TECRL: variants seen among roughly 807,000 people sequenced by gnomAD.
TECRL encodes trans-2,3-enoyl-CoA reductase-like.
In TECRL, 63 loss-of-function variants were observed where a neutral mutation model predicts 52.8. That is an observed-to-expected ratio of 1.19 (90% CI 0.97 to 1.47). TECRL has a LOEUF of 1.47. Among genes scored for constraint, TECRL ranks in the 40% most tolerant of loss-of-function variants. The probability of loss-of-function intolerance (pLI) is 0.00; values close to 1 mark genes in which losing one functional copy is unlikely to be tolerated. For synonymous variants in TECRL, 164 were observed against 141.9 expected, an observed-to-expected ratio of 1.16 and a Z score of -1.10; for missense variants, 482 against 429.6, an observed-to-expected ratio of 1.12 and a Z score of -1.08.
chr4:64,402,975 A>G (rs1279127620), intron 1 of TECRL, among the ~76,000 whole-genome samples: 1 of 152,072 alleles, frequency 6.6e-6, no homozygotes, highest in Non-Finnish European at 1.5e-5. Flanking sequence ...AGGGATACTT[A>G]TTGCATTTCT....
intron 4 of TECRL, among the ~76,000 whole-genome samples, chr4:64,320,187 T>A (rs1052553801): frequency 4.6e-5 from 7 of 151,876 alleles, no homozygotes; most frequent in Non-Finnish European, 8.9e-5. Flanking sequence ...TTATCCTAAG[T>A]TTTTTAGTAA....
At chr4:64,398,774 C>G (rs1724144792) in intron 1 of TECRL, among the ~76,000 whole-genome samples, 1 of 152,020 alleles carries the variant, frequency 6.6e-6, no homozygotes, top group African/African-American at 2.4e-5. Context: ...TTCGAGAGTT[C>G]AGAAGAAGAA....
chr4:64,338,365 G>A (rs974795888), intron 2 of TECRL, among the ~76,000 whole-genome samples: 11 of 152,158 alleles, frequency 7.2e-5, no homozygotes, highest in African/African-American at 2.7e-4. Flanking sequence ...TCAGGACATA[G>A]GCATGGGCAA....
intron 2 of TECRL, among the ~76,000 whole-genome samples, chr4:64,367,380 C>T (rs1171884101): frequency 6.6e-6 from 1 of 151,946 alleles, no homozygotes; most frequent in African/African-American, 2.4e-5. Flanking sequence ...ACCCCCTGAA[C>T]CTAAAAGTTG....
chr4:64,391,323 T>C (rs1723530677), intron 1 of TECRL, among the ~76,000 whole-genome samples: 1 of 151,842 alleles, frequency 6.6e-6, no homozygotes, highest in Non-Finnish European at 1.5e-5. Flanking sequence ...ATGCCATATA[T>C]TTTCATATTC....
chr4:64,372,748 CAT>C (rs1468627746), intron 2 of TECRL, among the ~76,000 whole-genome samples: 1 of 151,448 alleles, frequency 6.6e-6, no homozygotes, highest in Non-Finnish European at 1.5e-5. Context: ...CTTCTGATAA[CAT>C]ATTTTTTTTT....
At chr4:64,317,170 C>G (rs1206670131) in intron 4 of TECRL, among the ~76,000 whole-genome samples, 1 of 151,780 alleles carries the variant, frequency 6.6e-6, no homozygotes, top group Non-Finnish European at 1.5e-5. Flanking sequence ...CCCAGCTACT[C>G]GGGAGGCTGA....
At chr4:64,330,622 A>T (rs953924190) in intron 2 of TECRL, among the ~76,000 whole-genome samples, 9 of 152,120 alleles carry the variant, frequency 5.9e-5, no homozygotes, top group African/African-American at 2.2e-4. Flanking sequence ...GGGCAATATA[A>T]TGAGACTGTC....
At chr4:64,340,099 A>AT (rs1719445459) in intron 2 of TECRL, among the ~76,000 whole-genome samples, 2 of 152,196 alleles carry the variant, frequency 1.3e-5, no homozygotes, top group African/African-American at 4.8e-5. Flanking sequence ...TCATCTGTAG[A>AT]GGCTGTTGCC....
At chr4:64,345,907 CAAA>C (rs777171822) in intron 2 of TECRL, among the ~76,000 whole-genome samples, 250 of 23,334 alleles carry the variant, frequency 0.011, 7 homozygotes, top group Middle Eastern at 0.071. Flanking sequence ...GCCTCAACAG[CAAA>C]AAAAAAAAAA....
chr4:64,362,877 A>G lies in TECRL; in HGVS notation c.286+12295T>C, dbSNP rs1181449565. 2.0e-5 allele frequency among the ~76,000 whole-genome samples: 3 copies of G among 152,160 alleles called. No homozygotes were observed. In the East Asian group the frequency reaches 5.8e-4, roughly 29 times the overall value. On this transcript the variant is annotated intron_variant, in intron 2 of 11. Transcript: ENST00000381210. ...TAACCTCAATGTAAATGGTCTAAAT[A>G]CCCATTAAAAATCACAGTGGCAAGT...
intron 6 of TECRL, among the ~76,000 whole-genome samples, chr4:64,307,895 C>T (rs1273167438): frequency 6.6e-6 from 1 of 152,100 alleles, no homozygotes; most frequent in Non-Finnish European, 1.5e-5. Flanking sequence ...ACAGCAGTAC[C>T]GTTGAATGAC....
At chr4:64,354,798 G>T (rs1050863740) in intron 2 of TECRL, among the ~76,000 whole-genome samples, 1 of 152,178 alleles carries the variant, frequency 6.6e-6, no homozygotes, top group African/African-American at 2.4e-5. Flanking sequence ...ATGTCTATGA[G>T]CTCTAGAAAC....
chr4:64,385,450 T>C (rs1202305097), intron 1 of TECRL, among the ~76,000 whole-genome samples: 1 of 152,118 alleles, frequency 6.6e-6, no homozygotes, highest in African/African-American at 2.4e-5. Flanking sequence ...TAACTCTCTT[T>C]GTCCTGGCAG....
At chr4:64,356,379 C>G (rs1034499126) in intron 2 of TECRL, among the ~76,000 whole-genome samples, 5 of 151,786 alleles carry the variant, frequency 3.3e-5, no homozygotes, top group African/African-American at 9.7e-5. Context: ...TCTTGCCTGC[C>G]CCTGGGAACT....
At chr4:64,345,654 A>T (rs1719901863) in intron 2 of TECRL, among the ~76,000 whole-genome samples, 1 of 151,714 alleles carries the variant, frequency 6.6e-6, no homozygotes, top group African/African-American at 2.4e-5. Flanking sequence ...TACATATGTA[A>T]CTAACCTGCA....
rs143860753 is a variant in TECRL at position 64,285,709 on chromosome 4, C to T, written c.832+4001G>A. ...AGAAAAGATCTGGGACTTTATAGAT[C>T]AGAACCCTGAATAGGGAGAAATTGA... On this transcript the variant is annotated intron_variant, in intron 9 of 11. Transcript: ENST00000381210. Among the ~76,000 whole-genome samples the T allele has an allele frequency of 2.5e-3, 386 of 152,166 alleles. 6 individuals carry two copies. Among genetic ancestry groups the T allele is most frequent in the African/African-American group, 8.5e-3 (352 of 41,562 alleles).
At chr4:64,307,896 G>A (rs567336574) in intron 6 of TECRL, among the ~76,000 whole-genome samples, 7 of 152,254 alleles carry the variant, frequency 4.6e-5, no homozygotes, top group South Asian at 2.1e-4. Context: ...CAGCAGTACC[G>A]TTGAATGACC....
intron 2 of TECRL, among the ~76,000 whole-genome samples, chr4:64,346,347 T>G (rs1016465926): frequency 2.0e-5 from 3 of 152,214 alleles, no homozygotes; most frequent in African/African-American, 7.2e-5. Flanking sequence ...ACCCCACATT[T>G]CCCCTCTGCA....
Sources: allele counts gnomAD v4.1 joint callset (sites outside exome capture counted in the v4.1 genomes callset), GRCh38; gene constraint gnomAD v4.1.1; transcripts MANE v1.5; gene names NCBI Gene and HGNC (gene_info 2026-07-23, HGNC 2026-07-21).